ADRA1A: variants seen among roughly 807,000 people sequenced by gnomAD.
ADRA1A encodes the protein adrenoceptor alpha 1A.
ADRA1A carries 31 observed loss-of-function variants against 29.6 expected under a neutral mutation model. That is an observed-to-expected ratio of 1.05 (90% CI 0.79 to 1.41). The LOEUF is 1.41. Among genes scored for constraint, ADRA1A ranks in the 40% most tolerant of loss-of-function variants. The pLI is 0.00. For synonymous variants in ADRA1A, 311 were observed against 254.3 expected, an observed-to-expected ratio of 1.22 and a Z score of -2.12; for missense variants, 619 against 601.1, an observed-to-expected ratio of 1.03 and a Z score of -0.31.
At chr8:26,765,353 T>C (rs1805718145), downstream of ADRA1A, among the ~76,000 whole-genome samples, 1 of 152,244 alleles carries the variant, frequency 6.6e-6, no homozygotes, top group African/African-American at 2.4e-5. Flanking sequence ...AATTCTAACT[T>C]GCTTTTGTCA....
At chr8:26,855,460 G>A (rs1024797738) in intron 2 of ADRA1A, among the ~76,000 whole-genome samples, 1 of 148,350 alleles carries the variant, frequency 6.7e-6, no homozygotes, top group Non-Finnish European at 1.5e-5. Context: ...TGGCCAAAAA[G>A]CACAGATAGG....
chr8:26,763,503 C>T (rs974906890), downstream of ADRA1A, among the ~76,000 whole-genome samples: 3 of 152,164 alleles, frequency 2.0e-5, no homozygotes, highest in African/African-American at 7.2e-5. This position sits in a 1 kb window ranked among gnomAD's most constrained non-coding sequence, Gnocchi z 4.5. Context: ...CGGATGCTCA[C>T]CTCTTATCCT....
At position 26,770,415 on chromosome 8, in the gene ADRA1A, C is replaced by G; in HGVS notation, c.1135G>C (p.Val379Leu). The part of the protein sequence containing the change: ...GQHKDMVRIP[V>L]GSRETFYRIS... ...CTGTAGAAGGTCTCTCTTGATCCCA[C>G]GGGGATGCGCACCATGTCCTTGTGT... The change falls in exon 3 of 3, where the codon GTG becomes CTG. Residue 379 changes from valine to leucine, a missense_variant. By Grantham distance (32) the Val-to-Leu change is conservative (BLOSUM62 1). Coordinates refer to ENST00000380573, the MANE Select transcript of ADRA1A (RefSeq NM_000680.4). 6.2e-7 allele frequency: 1 copy of G among 1,614,174 alleles called. No homozygotes were observed.
At chr8:26,824,031 C>G (rs1483554627) in intron 2 of ADRA1A, among the ~76,000 whole-genome samples, 2 of 152,084 alleles carry the variant, frequency 1.3e-5, no homozygotes, top group Non-Finnish European at 2.9e-5. Context: ...CCTCTTCTTG[C>G]TCAGCCCCCA....
At chr8:26,790,949 C>T (rs1262208742) in intron 2 of ADRA1A, among the ~76,000 whole-genome samples, 1 of 152,104 alleles carries the variant, frequency 6.6e-6, no homozygotes, top group African/African-American at 2.4e-5. Context: ...GTGGTATCCA[C>T]AATTGGTATG....
In ADRA1A at chr8:26,866,852, G is replaced by C. The variant is rs1813939675; in HGVS notation, c.-687+84C>G. On this transcript the variant is annotated intron_variant, in intron 1 of 2. Transcript: ENST00000380573. This position sits in a 1 kb window ranked among gnomAD's most constrained non-coding sequence, Gnocchi z 5.7. ...GAAAAAGCGGGAGGCGCTGGGAAAA[G>C]TGGGGGTTCCGTCTCACCAGACGGC... is the stretch of plus-strand genomic sequence containing the variant. The C allele has an allele frequency of 1.7e-5, 17 of 985,530 alleles. No homozygotes were observed. Among genetic ancestry groups the C allele is most frequent in the Non-Finnish European group, 1.8e-5 (15 of 830,028 alleles). The allele number at this position is 985,530 out of a possible 1,614,324, so 61.0% of individuals were successfully genotyped here. A position where few individuals can be genotyped will look rare whatever the true frequency, so the allele number is the denominator to read the frequency against.
At chr8:26,820,219 A>C (rs778249107) in intron 2 of ADRA1A, among the ~76,000 whole-genome samples, 4 of 152,194 alleles carry the variant, frequency 2.6e-5, no homozygotes, top group Non-Finnish European at 5.9e-5. Flanking sequence ...GAAATACCAG[A>C]CTTGAATTAT....
At chr8:26,858,349 C>G (rs1256252014) in intron 2 of ADRA1A, among the ~76,000 whole-genome samples, 1 of 152,148 alleles carries the variant, frequency 6.6e-6, no homozygotes, top group Non-Finnish European at 1.5e-5. Flanking sequence ...CTTTCTATTT[C>G]TTAGAATGCC....
chr8:26,860,810 A>G lies in ADRA1A; in HGVS notation c.883+3277T>C, dbSNP rs147477681. On this transcript the variant is annotated intron_variant, in intron 2 of 2. Coordinates refer to ENST00000380573, the MANE Select transcript of ADRA1A (RefSeq NM_000680.4). The surrounding 1 kb of genome is among the most constrained non-coding windows in gnomAD (Gnocchi z 4.7). The stretch of plus-strand genomic sequence containing the variant: ...TCCCGTTGCCTCTTTTGCCTATCCC[A>G]TCAGTGCCTCTCTCTATCCCATCGT... Among the ~76,000 whole-genome samples the G allele has an allele frequency of 5.9e-5, 9 of 151,972 alleles. No homozygotes were observed. The highest frequency in any genetic ancestry group is 1.9e-4 in the African/African-American group (8 of 41,424).
intron 2 of ADRA1A, among the ~76,000 whole-genome samples, chr8:26,778,856 AT>A (rs1221287301): frequency 6.6e-6 from 1 of 151,762 alleles, no homozygotes; most frequent in Non-Finnish European, 1.5e-5. Flanking sequence ...TGACGAGTTA[AT>A]GGGTGCAGCA....
In ADRA1A at chr8:26,769,903, C is replaced by G. The variant is rs1409371126; in HGVS notation, c.*246G>C. On this transcript the variant is annotated 3_prime_UTR_variant, in exon 3 of 3. Transcript: ENST00000380573. ...TTTCGTTGAAGTGGGCACAGAGTGA[C>G]CAAGAAAGCATTAGCTGCAGGGAAA... The G allele has an allele frequency of 8.0e-7, 1 of 1,247,126 alleles. No homozygotes were observed. Among genetic ancestry groups the G allele is most frequent in the Non-Finnish European group, 1.0e-6 (1 of 996,514 alleles). The allele number at this position is 1,247,126 out of a possible 1,614,324, so 77.3% of individuals were successfully genotyped here. A position where few individuals can be genotyped will look rare whatever the true frequency, so the allele number is the denominator to read the frequency against.
Position 26,865,520 on chromosome 8 carries a change from C to CA in ADRA1A, c.-552dup. The CA allele has an allele frequency of 1.0e-6, 1 of 992,828 alleles. No homozygotes were observed. Among genetic ancestry groups the CA allele is most frequent in the Admixed American group, 5.5e-5 (1 of 18,028 alleles). 61.5% of individuals were successfully genotyped at this position (992,828 alleles called of 1,614,324 possible). On this transcript the variant is annotated 5_prime_UTR_variant, in exon 2 of 3. Transcript: ENST00000380573. This position sits in a 1 kb window ranked among gnomAD's most constrained non-coding sequence, Gnocchi z 7.6. ...CAGGTTGGGCGCTGCTCCTGGCCCG[C>CA]AGTTACCTACATTTTGAGCTGCCCC...
At chr8:26,863,794 T>C (rs1813654082) in intron 2 of ADRA1A, among the ~76,000 whole-genome samples, 1 of 152,202 alleles carries the variant, frequency 6.6e-6, no homozygotes, top group Admixed American at 6.5e-5. Context: ...GAACACGTGC[T>C]TATAGGCATT....
In ADRA1A at chr8:26,825,884, G is replaced by C. The variant is rs191571928; in HGVS notation, c.883+38203C>G. On this transcript the variant is annotated intron_variant, in intron 2 of 2. Coordinates refer to ENST00000380573, the MANE Select transcript of ADRA1A (RefSeq NM_000680.4). The surrounding 1 kb of genome is among the most constrained non-coding windows in gnomAD (Gnocchi z 5.7). ...GTTCTGCGCACTGGTGTTTGCATGA[G>C]GACATGAGCCCCATTCCTTGAATTC... 2.0e-5 allele frequency among the ~76,000 whole-genome samples: 3 copies of C among 152,308 alleles called. No homozygotes were observed. Among genetic ancestry groups the C allele is most frequent in the Admixed American group, 2.0e-4 (3 of 15,306 alleles).
intron 2 of ADRA1A, among the ~76,000 whole-genome samples, chr8:26,856,333 C>A (rs1367952145): frequency 6.6e-6 from 1 of 152,190 alleles, no homozygotes; most frequent in Non-Finnish European, 1.5e-5. Flanking sequence ...ATAAAGGTCT[C>A]CCAACTGGTC....
chr8:26,813,191 A>T (rs1809534693), intron 2 of ADRA1A, among the ~76,000 whole-genome samples: 1 of 152,152 alleles, frequency 6.6e-6, no homozygotes, highest in Non-Finnish European at 1.5e-5. Context: ...TTCAGTTGCT[A>T]TGAGAGTGGA....
chr8:26,865,215 G>C lies in ADRA1A; in HGVS notation c.-246C>G. The C allele has an allele frequency of 7.4e-7, 1 of 1,351,218 alleles. No homozygotes were observed. Among genetic ancestry groups the C allele is most frequent in the Non-Finnish European group, 9.5e-7 (1 of 1,053,336 alleles). The allele number at this position is 1,351,218 out of a possible 1,614,324, so 83.7% of individuals were successfully genotyped here. On this transcript the variant is annotated 5_prime_UTR_variant, in exon 2 of 3. Transcript: ENST00000380573. The surrounding 1 kb of genome is among the most constrained non-coding windows in gnomAD (Gnocchi z 7.6). ...ATGGCCAGGGGCGCGCGGGGCTGCC[G>C]GGGACCCTCTCCACCTGCCGGGCTG...
chr8:26,812,888 G>C lies in ADRA1A; in HGVS notation c.884-42222C>G, dbSNP rs552549917. Among the ~76,000 whole-genome samples, 7 of 151,946 alleles carry C rather than the reference G, an allele frequency of 4.6e-5. No individual in the cohort carries two copies. In the East Asian group the frequency reaches 9.7e-4, roughly 21 times the overall value. ...TCACCGTGTTAGCCAGGATGGTCTC[G>C]ATCTCCTGACCTTGTGATCCGCCCA... On this transcript the variant is annotated intron_variant, in intron 2 of 2. Transcript: ENST00000380573.
At chr8:26,836,719 C>T (rs184094273) in intron 2 of ADRA1A, among the ~76,000 whole-genome samples, 2 of 152,120 alleles carry the variant, frequency 1.3e-5, no homozygotes, top group East Asian at 1.9e-4. Flanking sequence ...AAATAAGTAG[C>T]GTCTTATAGG....
Sources: allele counts gnomAD v4.1 joint callset (sites outside exome capture counted in the v4.1 genomes callset), GRCh38; gene constraint gnomAD v4.1.1; non-coding constraint Gnocchi (gnomAD v3.1); transcripts MANE v1.5; gene names NCBI Gene and HGNC (gene_info 2026-07-23, HGNC 2026-07-21).